The following SOX6 variants were observed in gnomAD, a reference collection of about 807,000 sequenced individuals.
The protein encoded by SOX6 is SRY-box transcription factor 6.
In SOX6, 11 loss-of-function variants were observed where a neutral mutation model predicts 97.8. The ratio of observed to expected loss-of-function variants is 0.11; its 90% CI spans 0.07 to 0.19. SOX6 has a LOEUF of 0.19. Among genes scored for constraint, SOX6 ranks in the 10% least tolerant of loss-of-function variants. The probability of loss-of-function intolerance (pLI) is 1.00; values close to 1 mark genes in which losing one functional copy is unlikely to be tolerated. For synonymous variants in SOX6, 360 were observed against 371.4 expected, an observed-to-expected ratio of 0.97 and a Z score of 0.35; for missense variants, 810 against 1,039.5, an observed-to-expected ratio of 0.78 and a Z score of 3.04.
chr11:16,491,782 T>A (rs1455950154), intron 4 of SOX6, among the ~76,000 whole-genome samples: 2 of 152,208 alleles, frequency 1.3e-5, no homozygotes, highest in Non-Finnish European at 2.9e-5. Context: ...GACATCTATA[T>A]GAAAAAACAA....
intron 4 of SOX6, among the ~76,000 whole-genome samples, chr11:16,219,173 C>A: frequency 6.6e-6 from 1 of 151,988 alleles, no homozygotes; most frequent in Admixed American, 6.6e-5. Context: ...ATAATCAAAT[C>A]CTAAGTGCTG....
chr11:16,215,429 T>G (rs1031061427), intron 4 of SOX6, among the ~76,000 whole-genome samples: 4 of 152,168 alleles, frequency 2.6e-5, no homozygotes, highest in African/African-American at 9.7e-5. Context: ...ATTCATAAGT[T>G]TTTGCAGTAA....
chr11:16,108,159 T>C (rs796907024), intron 7 of SOX6, among the ~76,000 whole-genome samples: 16 of 152,310 alleles, frequency 1.1e-4, no homozygotes, highest in African/African-American at 3.6e-4. Flanking sequence ...GTGAAATATG[T>C]AGCACAGTAT....
chr11:16,424,182 G>C (rs916708006), intron 1 of SOX6, among the ~76,000 whole-genome samples: 10 of 152,162 alleles, frequency 6.6e-5, no homozygotes, highest in Non-Finnish European at 1.0e-4. Context: ...TCTTTCAAGA[G>C]GTTTGACGGT....
chr11:16,113,241 G>A (rs1486910624), intron 6 of SOX6, among the ~76,000 whole-genome samples: 1 of 152,060 alleles, frequency 6.6e-6, no homozygotes, highest in Non-Finnish European at 1.5e-5. Flanking sequence ...GGTTAATAAA[G>A]GGCAAGCAAA....
At chr11:16,595,992 A>G (rs1053402392) in intron 4 of SOX6, among the ~76,000 whole-genome samples, 2 of 152,220 alleles carry the variant, frequency 1.3e-5, no homozygotes, top group African/African-American at 2.4e-5. Context: ...TTATCCCTCA[A>G]TAAAAAAGAA....
At chr11:16,450,833 A>C (rs1859701930) in intron 1 of SOX6, among the ~76,000 whole-genome samples, 1 of 152,200 alleles carries the variant, frequency 6.6e-6, no homozygotes, top group Non-Finnish European at 1.5e-5. Flanking sequence ...TTCACCAATA[A>C]AGCTAGGATC....
intron 1 of SOX6, among the ~76,000 whole-genome samples, chr11:16,409,326 C>A (rs1314526815): frequency 6.8e-6 from 1 of 147,576 alleles, no homozygotes; most frequent in Non-Finnish European, 1.5e-5. Context: ...TGGGGGAAAA[C>A]AGCTATGTTG....
intron 13 of SOX6, among the ~76,000 whole-genome samples, chr11:15,998,545 A>G (rs1438313816): frequency 2.0e-5 from 3 of 152,078 alleles, no homozygotes; most frequent in East Asian, 3.9e-4. Flanking sequence ...AAATTCCTCA[A>G]AGTTTTTTCA....
At chr11:16,547,361 T>C (rs769318459) in intron 4 of SOX6, among the ~76,000 whole-genome samples, 10 of 152,060 alleles carry the variant, frequency 6.6e-5, no homozygotes, top group Non-Finnish European at 1.5e-4. Context: ...GGAACCAACC[T>C]AGGTGTCCAT....
At chr11:16,583,432 C>T (rs891674031) in intron 4 of SOX6, among the ~76,000 whole-genome samples, 1 of 151,118 alleles carries the variant, frequency 6.6e-6, no homozygotes, top group Non-Finnish European at 1.5e-5. Context: ...TCTCCTATCC[C>T]CTCTGCTCCT....
chr11:16,536,950 G>C (rs116683520), intron 4 of SOX6, among the ~76,000 whole-genome samples: 2,054 of 152,284 alleles, frequency 0.013, 50 homozygotes, highest in African/African-American at 0.047. Flanking sequence ...AGAGAGCACT[G>C]GTTCTCCCAG....
chr11:16,500,687 C>T (rs1286686604), intron 4 of SOX6, among the ~76,000 whole-genome samples: 1 of 152,148 alleles, frequency 6.6e-6, no homozygotes, highest in Non-Finnish European at 1.5e-5. Context: ...AGAGCCAAAC[C>T]ATGAGTGAAC....
At position 16,356,233 on chromosome 11, in the gene SOX6, A is replaced by C. The variant is rs972535832; in HGVS notation, c.-144T>G. Among the ~76,000 whole-genome samples the C allele has an allele frequency of 2.0e-5, 3 of 151,752 alleles. No individual in the cohort carries two copies. Among genetic ancestry groups the C allele is most frequent in the Non-Finnish European group, 4.4e-5 (3 of 67,854 alleles). ...TGACTGCCAACCAAAAAAAAAAAAA[A>C]CCCAACCCCACAGCTAATTAATCTC... On this transcript the variant is annotated 5_prime_UTR_variant, in exon 1 of 16. Transcript: ENST00000683767.
intron 1 of SOX6, among the ~76,000 whole-genome samples, chr11:16,463,222 C>T (rs530619764): frequency 6.6e-6 from 1 of 152,310 alleles, no homozygotes; most frequent in South Asian, 2.1e-4. Flanking sequence ...TTCTTCCTTT[C>T]ATTCATTCCT....
rs529340122 is a variant in SOX6, at chr11:16,589,530, AT to A, written n.609+22550del. Among the ~76,000 whole-genome samples, 9 of 152,310 alleles carry A rather than the reference AT, an allele frequency of 5.9e-5. No individual in the cohort carries two copies. The East Asian group carries it at 1.7e-3, about 29-fold the overall frequency. On this transcript the variant is annotated intron_variant and non_coding_transcript_variant, in intron 4 of 5. Coordinates refer to the SOX6 transcript ENST00000524520. Reference sequence around the variant, plus strand: ...CTATAGCTTAAGGATAATATTAATAATGTAGGCCTTAATGATAACAAGACCA... The same window carrying A: ...CTATAGCTTAAGGATAATATTAATAAGTAGGCCTTAATGATAACAAGACCA...
upstream of SOX6, among the ~76,000 whole-genome samples, chr11:16,360,549 C>T (rs894579876): frequency 3.9e-5 from 6 of 152,152 alleles, no homozygotes; most frequent in African/African-American, 1.4e-4. Flanking sequence ...GCTCCTCAGG[C>T]AAGATGTACT....
chr11:16,661,916 T>A (rs1271410258), intron 3 of SOX6, among the ~76,000 whole-genome samples: 5 of 152,158 alleles, frequency 3.3e-5, no homozygotes. Context: ...CAGATATCCT[T>A]ATAGCAGATT....
At chr11:16,598,700 G>A (rs1214147789) in intron 4 of SOX6, among the ~76,000 whole-genome samples, 1 of 151,258 alleles carries the variant, frequency 6.6e-6, no homozygotes, top group African/African-American at 2.4e-5. Flanking sequence ...TGGGGCTTGT[G>A]TGGCCTTGGA....
Sources: gnomAD v4.1 joint callset for allele counts (sites outside exome capture counted in the v4.1 genomes callset) on GRCh38, gnomAD v4.1.1 for gene constraint, MANE v1.5 for transcripts, NCBI Gene and HGNC (gene_info 2026-07-23, HGNC 2026-07-21) for gene names.